The following ANKRD36 variants were observed in gnomAD, a reference collection of about 807,000 sequenced individuals.
ANKRD36 encodes the protein ankyrin repeat domain-containing protein 36A.
A neutral mutation model predicts 278.1 loss-of-function variants in ANKRD36; 179 were observed. The observed-to-expected ratio is 0.64, with a 90% CI of 0.57 to 0.73. The LOEUF (loss-of-function observed/expected upper bound fraction) is 0.73. Ranked by LOEUF, ANKRD36 falls within the 30% of genes least tolerant of loss-of-function variation. The pLI is 0.00. For missense variants in ANKRD36, 1,159 were observed against 1,956.7 expected (o/e 0.59, Z 7.69); for synonymous variants, 320 against 641.1 (o/e 0.50, Z 7.57).
At chr2:97,144,949 A>C (rs2043878091) in intron 10 of ANKRD36, among the ~76,000 whole-genome samples, 1 of 152,012 alleles carries the variant, frequency 6.6e-6, no homozygotes, top group African/African-American at 2.4e-5. Flanking sequence ...ATTGGAGAGC[A>C]GTTCAAGATA....
chr2:97,211,847 C>T, intron 58 of ANKRD36, 106 bp downstream of exon 58: 1 of 1,331,008 alleles, frequency 7.5e-7, no homozygotes, highest in Non-Finnish European at 1.0e-6. Flanking sequence ...TGTTCTGCTT[C>T]AGTATTCCTG....
At chr2:97,175,198 A>AT (rs1559484589) in intron 22 of ANKRD36, among the ~76,000 whole-genome samples, 1 of 149,652 alleles carries the variant, frequency 6.7e-6, no homozygotes, top group East Asian at 2.0e-4. Flanking sequence ...TTCAGAAGGA[A>AT]TGGTACCAGT....
intron 22 of ANKRD36, among the ~76,000 whole-genome samples, chr2:97,172,131 TTAA>T (rs557732016): frequency 1.9e-3 from 283 of 151,742 alleles, no homozygotes; most frequent in Non-Finnish European, 2.8e-3. Flanking sequence ...TTGAATTAAT[TTAA>T]AAAAATCACC....
intron 34 of ANKRD36, among the ~76,000 whole-genome samples, chr2:97,190,079 T>C: frequency 1.1e-5 from 1 of 88,442 alleles, no homozygotes; most frequent in East Asian, 2.2e-4. Context: ...ATAAAATAGC[T>C]ATTTCATGAA....
intron 38 of ANKRD36, among the ~76,000 whole-genome samples, chr2:97,194,293 T>G (rs1352035380): frequency 5.3e-5 from 8 of 151,588 alleles, no homozygotes; most frequent in African/African-American, 1.9e-4. Flanking sequence ...TTGGGCAAGT[T>G]AAAGAGCATG....
chr2:97,144,956 G>A (rs577875542), intron 10 of ANKRD36, among the ~76,000 whole-genome samples: 8 of 151,986 alleles, frequency 5.3e-5, no homozygotes, highest in Non-Finnish European at 1.0e-4. Flanking sequence ...AGCAGTTCAA[G>A]ATACAAGAGT....
chr2:97,128,492 G>A (rs2039202489), intron 6 of ANKRD36, among the ~76,000 whole-genome samples: 1 of 151,624 alleles, frequency 6.6e-6, no homozygotes, highest in African/African-American at 2.4e-5. Context: ...AAGCTCTTTG[G>A]CGGTACCCTT....
rs368373154 is a variant in ANKRD36 at position 97,139,735 on chromosome 2, T to C, written c.800-2905T>C. Among the ~76,000 whole-genome samples the C allele has an allele frequency of 1.4e-3, 217 of 152,230 alleles. 4 individuals are homozygous for C. In the East Asian group the frequency reaches 0.038, roughly 27 times the overall value. ...CCCATGGCTGTGTTGATTGCAACTG[T>C]TTCCCCCTTAAAGCATGTATTTTTG... On this transcript the variant is annotated intron_variant, in intron 6 of 75. Transcript: ENST00000420699.
At chr2:97,159,745 A>C (rs556193185) in intron 17 of ANKRD36, among the ~76,000 whole-genome samples, 2 of 150,124 alleles carry the variant, frequency 1.3e-5, no homozygotes, top group African/African-American at 4.9e-5. Flanking sequence ...AAATAATAAA[A>C]ATTAATTAAT....
chr2:97,220,448 T>G (rs1344807611), intron 66 of ANKRD36, among the ~76,000 whole-genome samples: 1 of 151,134 alleles, frequency 6.6e-6, no homozygotes, highest in Non-Finnish European at 1.5e-5. Context: ...TGAGCTCTAT[T>G]TTTTAAATTT....
chr2:97,165,875 T>C (rs1306989040), intron 20 of ANKRD36, among the ~76,000 whole-genome samples: 1 of 152,308 alleles, frequency 6.6e-6, no homozygotes, highest in Non-Finnish European at 1.5e-5. Context: ...TAGCCTTGTC[T>C]TATTTATACC....
At chr2:97,219,835 A>G (rs2066923125) in intron 66 of ANKRD36, among the ~76,000 whole-genome samples, 1 of 142,868 alleles carries the variant, frequency 7.0e-6, no homozygotes, top group Non-Finnish European at 1.5e-5. Context: ...GATACTCTGA[A>G]GTTTCCAATT....
At chr2:97,224,439 T>C (rs1475442771) in intron 66 of ANKRD36, among the ~76,000 whole-genome samples, 1 of 143,476 alleles carries the variant, frequency 7.0e-6, no homozygotes, top group African/African-American at 2.5e-5. Flanking sequence ...TCGTTTTGTT[T>C]TTTTGTTTTT....
intron 36 of ANKRD36, 62 bp downstream of exon 36, chr2:97,191,243 C>T (rs1374570007): frequency 6.8e-7 from 1 of 1,476,818 alleles, no homozygotes; most frequent in African/African-American, 1.4e-5. Context: ...TTTCTCTTTC[C>T]TGAATGAATT....
intron 6 of ANKRD36, among the ~76,000 whole-genome samples, chr2:97,141,437 C>T (rs2042895566): frequency 7.3e-6 from 1 of 136,862 alleles, no homozygotes; most frequent in Non-Finnish European, 1.6e-5. Context: ...TATTAGGAGC[C>T]TTCATGAGTA....
In ANKRD36 at chr2:97,202,309, A is replaced by G; in HGVS notation, c.2887-12A>G. 1.3e-6 allele frequency: 2 copies of G among 1,584,350 alleles called. No individual in the cohort carries two copies. Among genetic ancestry groups the G allele is most frequent in the Non-Finnish European group, 1.7e-6 (2 of 1,169,530 alleles). On this transcript the variant is annotated splice_polypyrimidine_tract_variant and intron_variant, in intron 47 of 75. Transcript: ENST00000420699. Reference sequence around the variant, plus strand: ...ATACTTTATTTATTATTTCGTTTTAAATTCCATTCAGGGTACAAGTGACGA... The same window carrying G: ...ATACTTTATTTATTATTTCGTTTTAGATTCCATTCAGGGTACAAGTGACGA...
intron 56 of ANKRD36, among the ~76,000 whole-genome samples, 166 bp from the exon 57 acceptor site, chr2:97,211,380 T>A (rs1412611178): frequency 6.6e-6 from 1 of 151,900 alleles, no homozygotes; most frequent in South Asian, 2.1e-4. Context: ...TTCCCTTTTT[T>A]CAGTGTATTT....
intron 67 of ANKRD36, among the ~76,000 whole-genome samples, 157 bp from the exon 68 acceptor site, chr2:97,233,573 T>G (rs1309258652): frequency 6.6e-6 from 1 of 152,072 alleles, no homozygotes; most frequent in African/African-American, 2.4e-5. Context: ...TCTTCTGAAC[T>G]AGAGTCAACA....
chr2:97,201,331 C>T (rs1400152089), intron 46 of ANKRD36, among the ~76,000 whole-genome samples: 1 of 151,874 alleles, frequency 6.6e-6, no homozygotes, highest in African/African-American at 2.4e-5. Context: ...TAGAAAATAA[C>T]ATGATACTGC....
Sources: gnomAD v4.1 joint callset for allele counts (sites outside exome capture counted in the v4.1 genomes callset) on GRCh38, gnomAD v4.1.1 for gene constraint, MANE v1.5 for transcripts, NCBI Gene and HGNC (gene_info 2026-07-23, HGNC 2026-07-21) for gene names.